The following OLA1 variants were observed in gnomAD, a reference collection of about 807,000 sequenced individuals.
The protein encoded by OLA1 is obg-like ATPase 1.
In OLA1, 14 loss-of-function variants were observed where a neutral mutation model predicts 48.4. The observed-to-expected ratio is 0.29, with a 90% CI of 0.19 to 0.45. The LOEUF (loss-of-function observed/expected upper bound fraction) is 0.45, where lower values mean the gene tolerates loss of function less well. OLA1 is among the 20% of genes least tolerant of loss of function. The probability of loss-of-function intolerance (pLI) is 1.00; values close to 1 mark genes in which losing one functional copy is unlikely to be tolerated. For synonymous variants in OLA1, 127 were observed against 150.4 expected (o/e 0.84, Z 1.14); for missense variants, 325 against 467.1 (o/e 0.70, Z 2.80).
At chr2:174,199,873 A>G (rs1408010769) in intron 4 of OLA1, among the ~76,000 whole-genome samples, 1 of 152,138 alleles carries the variant, frequency 6.6e-6, no homozygotes, top group Non-Finnish European at 1.5e-5. Flanking sequence ...CCCTTTTCTA[A>G]CCACATATCT....
chr2:174,201,493 C>G (rs1050377102), intron 4 of OLA1, among the ~76,000 whole-genome samples: 1 of 152,038 alleles, frequency 6.6e-6, no homozygotes, highest in Non-Finnish European at 1.5e-5. Context: ...AGACTACAGG[C>G]ACACGCCACC....
At chr2:174,145,755 G>T (rs952221676) in intron 4 of OLA1, among the ~76,000 whole-genome samples, 1 of 152,146 alleles carries the variant, frequency 6.6e-6, no homozygotes. Flanking sequence ...CCAAAAATGT[G>T]AGTAATTATG....
chr2:174,212,670 A>T (rs759185622), intron 4 of OLA1, among the ~76,000 whole-genome samples: 1 of 152,140 alleles, frequency 6.6e-6, no homozygotes, highest in African/African-American at 2.4e-5. Flanking sequence ...ATTATCTATA[A>T]GCTTTTTTCC....
At chr2:174,139,291 T>C (rs1686383434) in intron 5 of OLA1, among the ~76,000 whole-genome samples, 1 of 152,168 alleles carries the variant, frequency 6.6e-6, no homozygotes. Context: ...AGTTCTGCTG[T>C]CACAAGGCAA....
chr2:174,105,368 G>A (rs986420160), intron 7 of OLA1, among the ~76,000 whole-genome samples: 1 of 151,834 alleles, frequency 6.6e-6, no homozygotes, highest in South Asian at 2.1e-4. Flanking sequence ...TTTTAAATAC[G>A]AAGATGGCAA....
intron 2 of OLA1, among the ~76,000 whole-genome samples, chr2:174,231,742 C>T (rs1472720653): frequency 2.0e-5 from 3 of 152,096 alleles, no homozygotes; most frequent in South Asian, 4.1e-4. Context: ...TCATCTGTAG[C>T]TTCTAACAGC....
At chr2:174,112,601 C>A (rs1360529014) in intron 7 of OLA1, among the ~76,000 whole-genome samples, 1 of 152,140 alleles carries the variant, frequency 6.6e-6, no homozygotes, top group East Asian at 1.9e-4. Flanking sequence ...CATGAGGGCT[C>A]ACCCCTTATG....
chr2:174,186,479 A>G (rs1173673800), intron 4 of OLA1, among the ~76,000 whole-genome samples: 1 of 152,180 alleles, frequency 6.6e-6, no homozygotes, highest in Admixed American at 6.5e-5. Flanking sequence ...CAGTTTATTC[A>G]GCATCCCCAA....
At chr2:174,145,389 A>G (rs1261705577) in intron 4 of OLA1, among the ~76,000 whole-genome samples, 1 of 152,086 alleles carries the variant, frequency 6.6e-6, no homozygotes, top group Non-Finnish European at 1.5e-5. Context: ...ACCCTAGTCC[A>G]TGGCCTAAGT....
chr2:174,213,326 G>GT (rs2105442755), intron 4 of OLA1, among the ~76,000 whole-genome samples: 1 of 152,222 alleles, frequency 6.6e-6, no homozygotes, highest in South Asian at 2.1e-4. Flanking sequence ...ACCTTAACAA[G>GT]TTTTATCTGT....
chr2:174,154,218 T>C, intron 4 of OLA1, among the ~76,000 whole-genome samples: 1 of 152,216 alleles, frequency 6.6e-6, no homozygotes, highest in Non-Finnish European at 1.5e-5. Context: ...ACTTCCAATA[T>C]TGAGCTGACT....
chr2:174,209,995 AT>A (rs1358944375), intron 4 of OLA1, among the ~76,000 whole-genome samples: 3 of 152,180 alleles, frequency 2.0e-5, no homozygotes, highest in Non-Finnish European at 4.4e-5. Context: ...AAGTATCAAT[AT>A]TGACAAGGAA....
At chr2:174,200,275 G>A (rs1454734230) in intron 4 of OLA1, among the ~76,000 whole-genome samples, 1 of 152,114 alleles carries the variant, frequency 6.6e-6, no homozygotes, top group Non-Finnish European at 1.5e-5. Flanking sequence ...TTACTTTGGA[G>A]GCTATTAATA....
chr2:174,223,269 GAAC>G, intron 3 of OLA1, 109 bp from the exon 4 acceptor site: 1 of 1,052,286 alleles, frequency 9.5e-7, no homozygotes, highest in Non-Finnish European at 1.4e-6. Context: ...TAGAACAATG[GAAC>G]AATAATGATT....
intron 4 of OLA1, among the ~76,000 whole-genome samples, chr2:174,162,920 A>T (rs1021733701): frequency 1.8e-4 from 27 of 152,064 alleles, no homozygotes; most frequent in Non-Finnish European, 4.0e-4. Context: ...TGGAACGTGT[A>T]TGTAGTCCCA....
At chr2:174,114,341 C>CAAAAAAAAAAAAA (rs76471043) in intron 7 of OLA1, among the ~76,000 whole-genome samples, 6 of 60,648 alleles carry the variant, frequency 9.9e-5, no homozygotes, top group East Asian at 7.7e-4. Context: ...GACTCCGCCT[C>CAAAAAAAAAAAAA]AAAAAAAAAA....
intron 7 of OLA1, among the ~76,000 whole-genome samples, chr2:174,106,111 GTAGT>G (rs1454735472): frequency 1.3e-5 from 2 of 151,902 alleles, no homozygotes; most frequent in African/African-American, 2.4e-5. Context: ...TCCTAATCTA[GTAGT>G]TATAGTGTTT....
chr2:174,216,457 C>G (rs377281961), intron 4 of OLA1, among the ~76,000 whole-genome samples: 12 of 152,262 alleles, frequency 7.9e-5, no homozygotes, highest in African/African-American at 2.9e-4. Flanking sequence ...AGACTGAGGT[C>G]TGCACCTGGG....
At chr2:174,092,101 T>C (rs1456957263) in intron 7 of OLA1, among the ~76,000 whole-genome samples, 2 of 121,312 alleles carry the variant, frequency 1.6e-5, no homozygotes, top group Non-Finnish European at 3.3e-5. Context: ...CACTCCAGCC[T>C]AGGCAACAAG....
Sources: gnomAD v4.1 joint callset for allele counts (sites outside exome capture counted in the v4.1 genomes callset) on GRCh38, gnomAD v4.1.1 for gene constraint, MANE v1.5 for transcripts, NCBI Gene and HGNC (gene_info 2026-07-23, HGNC 2026-07-21) for gene names.